The following PPP3CC variants were observed in gnomAD, a reference collection of about 807,000 sequenced individuals.
The protein encoded by PPP3CC is protein phosphatase 3 catalytic subunit gamma.
PPP3CC carries 35 observed loss-of-function variants against 60.3 expected under a neutral mutation model. That is an observed-to-expected ratio of 0.58 (90% CI 0.44 to 0.77). The LOEUF is 0.77. Among genes scored for constraint, PPP3CC ranks in the 30% least tolerant of loss-of-function variants. The pLI is 0.00. For synonymous variants in PPP3CC, 206 were observed against 224.3 expected (o/e 0.92, Z 0.73); for missense variants, 570 against 628.9 (o/e 0.91, Z 1.00).
At chr8:22,475,264 T>G (rs1452065856) in intron 2 of PPP3CC, 113 bp downstream of exon 2, 1 of 1,086,948 alleles carries the variant, frequency 9.2e-7, no homozygotes, top group Admixed American at 2.6e-5. Context: ...TTCTAGAAAT[T>G]ATGAGACAGT....
intron 1 of PPP3CC, among the ~76,000 whole-genome samples, chr8:22,463,153 G>GA (rs1837413490): frequency 1.3e-5 from 2 of 152,158 alleles, no homozygotes; most frequent in South Asian, 4.1e-4. Flanking sequence ...AATGCCAAGA[G>GA]AATAAAGGAC....
At chr8:22,501,388 A>G (rs1033595021) in intron 4 of PPP3CC, among the ~76,000 whole-genome samples, 3 of 152,256 alleles carry the variant, frequency 2.0e-5, no homozygotes, top group Admixed American at 6.5e-5. Context: ...AGTCCAGGCC[A>G]CAGTGTGGCT....
rs1442625091 is a variant in PPP3CC at position 22,447,543 on chromosome 8, C to T, written c.49+6085C>T. ...CTGTTGTTGAGGCTGGTCTTGAACTCCTGGGCTCAAGCGATCCTCTTGCCT... is the reference window on the plus strand; with the variant it reads ...CTGTTGTTGAGGCTGGTCTTGAACTTCTGGGCTCAAGCGATCCTCTTGCCT... On this transcript the variant is annotated intron_variant, in intron 1 of 13. Transcript: ENST00000240139. Among the ~76,000 whole-genome samples the T allele has an allele frequency of 2.0e-5, 3 of 151,968 alleles. No homozygotes were observed. The East Asian group carries it at 5.8e-4, about 29-fold the overall frequency.
intron 9 of PPP3CC, 101 bp downstream of exon 9, chr8:22,527,618 G>A: frequency 7.4e-7 from 1 of 1,351,086 alleles, no homozygotes; most frequent in Admixed American, 2.2e-5. Flanking sequence ...TTCTAATTTT[G>A]TTTGTTCTCT....
chr8:22,471,176 C>T (rs2132462027), intron 1 of PPP3CC, among the ~76,000 whole-genome samples: 1 of 152,036 alleles, frequency 6.6e-6, no homozygotes, highest in East Asian at 1.9e-4. Flanking sequence ...TTTTGGAAGA[C>T]TAAAAGAAAG....
intron 3 of PPP3CC, among the ~76,000 whole-genome samples, chr8:22,494,331 C>G (rs1838498073): frequency 6.6e-6 from 1 of 152,042 alleles, no homozygotes; most frequent in Non-Finnish European, 1.5e-5. Context: ...CCTGATAAAC[C>G]CATCAGATCT....
chr8:22,491,860 A>G lies in PPP3CC; in HGVS notation c.373-6141A>G, dbSNP rs987302997. Among the ~76,000 whole-genome samples the G allele has an allele frequency of 7.9e-5, 12 of 152,204 alleles. No individual in the cohort carries two copies. In the South Asian group the frequency reaches 1.4e-3, roughly 18 times the overall value. On this transcript the variant is annotated intron_variant, in intron 3 of 13. Coordinates refer to ENST00000240139, the MANE Select transcript of PPP3CC (RefSeq NM_005605.5). The stretch of plus-strand genomic sequence containing the variant: ...CAGAGTAGATTTTTGTGATTTTCCC[A>G]TATATTCTTGGAAAGAACGTATATT...
chr8:22,444,111 C>A (rs1300984421), intron 1 of PPP3CC, among the ~76,000 whole-genome samples: 1 of 152,012 alleles, frequency 6.6e-6, no homozygotes, highest in Non-Finnish European at 1.5e-5. Flanking sequence ...AAGGATGTGG[C>A]TGGGCGTGGT....
rs1563671189 is a variant in PPP3CC, at chr8:22,450,804, TTTATTTA to T, written c.49+9349_49+9355del. Among the ~76,000 whole-genome samples, 20 of 33,706 alleles carry T rather than the reference TTTATTTA, an allele frequency of 5.9e-4. 1 individual carries two copies. Among genetic ancestry groups the T allele is most frequent in the South Asian group, 2.2e-3 (3 of 1,362 alleles). The allele number at this position is 33,706 out of a possible 152,430, so 22.1% of individuals were successfully genotyped here. A position where few individuals can be genotyped will look rare whatever the true frequency, so the allele number is the denominator to read the frequency against. Reference sequence around the variant, plus strand: ...TCATCCCCAACCTACTTTATTTTTATTTATTTATTTATTTATTTATTTATTTATTTAT... The same window carrying T: ...TCATCCCCAACCTACTTTATTTTTATTTTATTTATTTATTTATTTATTTAT... On this transcript the variant is annotated intron_variant, in intron 1 of 13. Coordinates refer to ENST00000240139, the MANE Select transcript of PPP3CC (RefSeq NM_005605.5).
chr8:22,490,273 GGACCCT>G (rs1300560494), intron 3 of PPP3CC, among the ~76,000 whole-genome samples: 2 of 152,132 alleles, frequency 1.3e-5, no homozygotes, highest in African/African-American at 4.8e-5. Context: ...AGAGGTTGCA[GGACCCT>G]GACCCTGTTT....
intron 1 of PPP3CC, among the ~76,000 whole-genome samples, chr8:22,455,237 C>T (rs1343719044): frequency 1.3e-5 from 2 of 152,072 alleles, no homozygotes; most frequent in African/African-American, 4.8e-5. Context: ...TTAAATACTA[C>T]TTGAAAAGTA....
intron 1 of PPP3CC, among the ~76,000 whole-genome samples, chr8:22,469,839 C>T (rs192763725): frequency 1.4e-4 from 22 of 151,922 alleles, no homozygotes; most frequent in African/African-American, 5.3e-4. Flanking sequence ...GTCCACAGAA[C>T]CTGTGATAGA....
chr8:22,452,984 A>G (rs1407181072), intron 1 of PPP3CC, among the ~76,000 whole-genome samples: 1 of 152,232 alleles, frequency 6.6e-6, no homozygotes, highest in East Asian at 1.9e-4. Context: ...ACACACGCTT[A>G]GGTGCTTAGT....
chr8:22,532,995 G>T lies in PPP3CC; in HGVS notation c.1298G>T (p.Gly433Val). 1 of 1,605,540 alleles carries T rather than the reference G, an allele frequency of 6.2e-7. No individual in the cohort carries two copies. The highest frequency in any genetic ancestry group is 8.5e-7 in the Non-Finnish European group (1 of 1,175,416). The stretch of plus-strand genomic sequence containing the variant: ...ACACTCCCTCTGGGCGTCCTCTCAG[G>T]AGGCAAGCAGACTATCGAGACAGGT... Reference protein sequence around the residue: ...TGTLPLGVLSGGKQTIETATV... With the variant: ...TGTLPLGVLSVGKQTIETATV... Residue 433 changes from glycine (G) to valine (V), a missense_variant, in exon 12 of 14, where the codon GGA (glycine) becomes GTA (valine). Transcript: ENST00000240139.
At position 22,441,447 on chromosome 8, in the gene PPP3CC, G is replaced by A; in HGVS notation, c.38G>A (p.Arg13His). 1 of 1,546,586 alleles carries A rather than the reference G, an allele frequency of 6.5e-7. No homozygotes were observed. Among genetic ancestry groups the A allele is most frequent in the Non-Finnish European group, 8.7e-7 (1 of 1,146,108 alleles). The stretch of plus-strand genomic sequence containing the variant: ...CGCTTCCACCTCTCCACCACCGACC[G>A]CGTCATCAAAGGTGCCTGGCGGGCC... The part of the protein sequence containing the change: ...GRRFHLSTTD[R>H]VIKAVPFPPT... Residue 13 changes from arginine to histidine, a missense_variant, in exon 1 of 14, where the codon CGC becomes CAC. Transcript: ENST00000240139.
chr8:22,523,053 T>C (rs1007998166), intron 8 of PPP3CC, among the ~76,000 whole-genome samples: 3 of 152,204 alleles, frequency 2.0e-5, no homozygotes, highest in African/African-American at 7.2e-5. Context: ...ATAGTTAGCA[T>C]AAATTATTGG....
intron 2 of PPP3CC, 96 bp downstream of exon 2, chr8:22,475,247 G>A: frequency 8.3e-7 from 1 of 1,208,108 alleles, no homozygotes; most frequent in Non-Finnish European, 1.2e-6. Flanking sequence ...AAGTGGTGTG[G>A]TAATTTTTCT....
intron 12 of PPP3CC, among the ~76,000 whole-genome samples, chr8:22,538,142 A>T (rs985443683): frequency 6.6e-6 from 1 of 152,208 alleles, no homozygotes; most frequent in African/African-American, 2.4e-5. Flanking sequence ...CCCTTACTGC[A>T]GGCTGCTATC....
chr8:22,483,443 C>T (rs896194575), intron 3 of PPP3CC, among the ~76,000 whole-genome samples: 8 of 152,102 alleles, frequency 5.3e-5, no homozygotes, highest in Non-Finnish European at 8.8e-5. Context: ...TGTGCCGCTA[C>T]GCCCGGCTAA....
Sources: gnomAD v4.1 joint callset for allele counts (sites outside exome capture counted in the v4.1 genomes callset) on GRCh38, gnomAD v4.1.1 for gene constraint, MANE v1.5 for transcripts, NCBI Gene and HGNC (gene_info 2026-07-23, HGNC 2026-07-21) for gene names.